Variants in GRHL3 observed in about 807,000 individuals in gnomAD.
GRHL3 encodes grainyhead-like protein 3 homolog.
GRHL3 carries 20 observed loss-of-function variants against 70.3 expected under a neutral mutation model. The ratio of observed to expected loss-of-function variants is 0.28; its 90% CI spans 0.20 to 0.41. The LOEUF is 0.41. Among genes scored for constraint, GRHL3 ranks in the 10% least tolerant of loss-of-function variants. GRHL3 has a pLI of 1.00. For synonymous variants in GRHL3, 299 were observed against 299.9 expected (o/e 1.00, Z 0.03); for missense variants, 637 against 762.3 (o/e 0.84, Z 1.94).
chr1:24,320,054 A>T (rs1639121578), intron 1 of GRHL3: 1 of 173,700 alleles, frequency 5.8e-6, no homozygotes, highest in Non-Finnish European at 1.3e-5. Flanking sequence ...AAGCATGTGT[A>T]CTCTTTGTAG....
rs1640441257 is a variant in GRHL3 at position 24,350,011 on chromosome 1, A to C, written c.1630-47A>C. 3 of 1,454,544 alleles carry C rather than the reference A, an allele frequency of 2.1e-6. No individual in the cohort carries two copies. The East Asian group carries it at 6.8e-5, about 33-fold the overall frequency. 90.1% of individuals were successfully genotyped at this position (1,454,544 alleles called of 1,614,324 possible). On this transcript the variant is annotated intron_variant, in intron 14 of 15. Transcript: ENST00000361548. ...GTGATGGCATAAAAGACTTGTATAA[A>C]TCTAGCGTGGGCAGCAGGCAATGAA...
chr1:24,347,142 A>T (rs540281521), intron 13 of GRHL3, among the ~76,000 whole-genome samples: 1 of 152,296 alleles, frequency 6.6e-6, no homozygotes, highest in Admixed American at 6.5e-5. Context: ...GTTTCCAGAC[A>T]CTGCCATCAA....
chr1:24,344,579 C>A (rs1640173149), intron 11 of GRHL3, among the ~76,000 whole-genome samples: 1 of 150,116 alleles, frequency 6.7e-6, no homozygotes, highest in Non-Finnish European at 1.5e-5. Flanking sequence ...GCAGGACCAT[C>A]TGCAATTCCC....
downstream of GRHL3, among the ~76,000 whole-genome samples, chr1:24,356,822 C>T (rs56974357): frequency 0.054 from 8,261 of 152,226 alleles, 623 homozygotes; most frequent in African/African-American, 0.17. Flanking sequence ...TTGGGTTTCT[C>T]GTAAACATCT....
intron 15 of GRHL3, among the ~76,000 whole-genome samples, chr1:24,350,611 T>C (rs1047980094): frequency 6.6e-6 from 1 of 152,032 alleles, no homozygotes; most frequent in African/African-American, 2.4e-5. Context: ...GCAGGAGAAG[T>C]GGATCAAAGG....
At position 24,322,548 on chromosome 1, in the gene GRHL3, G is replaced by A. The variant is rs1639237189; in HGVS notation, c.17+2980G>A. On this transcript the variant is annotated intron_variant, in intron 1 of 15. Transcript: ENST00000361548. The surrounding 1 kb of genome is among the most constrained non-coding windows in gnomAD (Gnocchi z 4.4). ...CTCTTTGAGTTCGGGCTGTAAAACT[G>A]GCGGACTGGGCCGAGAGGCTTGAGC... is the stretch of plus-strand genomic sequence containing the variant. Among the ~76,000 whole-genome samples the A allele has an allele frequency of 1.3e-5, 2 of 152,256 alleles. No individual in the cohort carries two copies. The highest frequency in any genetic ancestry group is 2.9e-5 in the Non-Finnish European group (2 of 68,044).
intron 15 of GRHL3, among the ~76,000 whole-genome samples, chr1:24,362,249 A>G (rs1458023944): frequency 6.6e-6 from 1 of 152,194 alleles, no homozygotes; most frequent in Non-Finnish European, 1.5e-5. Flanking sequence ...GTCTTCTTCA[A>G]CCTCCTTAGT....
rs764996839 is a variant in GRHL3 at position 24,342,939 on chromosome 1, T to C, written c.1333T>C (p.Tyr445His). 8 of 1,614,140 alleles carry C rather than the reference T, an allele frequency of 5.0e-6. No homozygotes were observed. The highest frequency in any genetic ancestry group is 6.8e-6 in the Non-Finnish European group (8 of 1,180,008). ...LSGFRGNETT[Y>H]LRPETDLETP... ...GGGCTTCAGGGGCAATGAGACGACC[T>C]ACCTTCGGCCAGAGACTGACCTGGA... Residue 445 changes from tyrosine to histidine, a missense_variant, in exon 11 of 16, where the codon TAC (tyrosine) becomes CAC (histidine). Physicochemically the swap from Tyr to His is moderately conservative, Grantham distance 83. Coordinates refer to ENST00000361548, the MANE Select transcript of GRHL3 (RefSeq NM_198173.3). The surrounding 1 kb of genome is among the most constrained non-coding windows in gnomAD (Gnocchi z 4.8).
chr1:24,324,378 A>C (rs1283755334), intron 1 of GRHL3, among the ~76,000 whole-genome samples: 1 of 151,358 alleles, frequency 6.6e-6, no homozygotes, highest in African/African-American at 2.4e-5. Flanking sequence ...ATCTCCAAGC[A>C]TCAGGATGAT....
chr1:24,364,130 A>T, intron 15 of GRHL3: 1 of 1,469,034 alleles, frequency 6.8e-7, no homozygotes, highest in Non-Finnish European at 9.0e-7. Context: ...TGTGAGAAAC[A>T]CCAACTTTCC....
intron 11 of GRHL3, chr1:24,343,353 T>G: frequency 3.3e-6 from 1 of 303,442 alleles, no homozygotes. Flanking sequence ...TGGTGCTCAC[T>G]GTGTGCCAGG....
intron 15 of GRHL3, among the ~76,000 whole-genome samples, chr1:24,351,406 G>C (rs1640500376): frequency 7.3e-6 from 1 of 136,874 alleles, no homozygotes; most frequent in Non-Finnish European, 1.5e-5. Flanking sequence ...CCTGGGAAGG[G>C]GGTTTTTTTT....
intron 7 of GRHL3, 33 bp from the exon 8 acceptor site, chr1:24,339,635 C>T (rs369672557): frequency 1.1e-5 from 17 of 1,520,148 alleles, no homozygotes; most frequent in African/African-American, 1.4e-5. Flanking sequence ...TCCCTTCCTT[C>T]CTGATTCTCC....
chr1:24,347,340 G>T, intron 13 of GRHL3, 128 bp from the exon 14 acceptor site: 1 of 789,146 alleles, frequency 1.3e-6, no homozygotes, highest in South Asian at 1.6e-5. Context: ...CCGGCCAAAG[G>T]GCCTCCCAGC....
At chr1:24,357,611 C>T (rs56095151), downstream of GRHL3, 727 of 161,188 alleles carry the variant, frequency 4.5e-3, 5 homozygotes, top group South Asian at 0.014. Flanking sequence ...GCTTTGTAAC[C>T]TCTCGGTATC....
chr1:24,342,959 C>T lies in GRHL3; in HGVS notation c.1353C>T (p.Asp451=), dbSNP rs1177886714. Residue 451 remains aspartate (D), a synonymous_variant, in exon 11 of 16, where the codon GAC becomes GAT. Coordinates refer to ENST00000361548, the MANE Select transcript of GRHL3 (RefSeq NM_198173.3). This position sits in a 1 kb window ranked among gnomAD's most constrained non-coding sequence, Gnocchi z 4.8. ...CGACCTACCTTCGGCCAGAGACTGA[C>T]CTGGAGACGCCACCCGTGCTGTTCA... ...NETTYLRPET[D]LETPPVLFIP... The T allele has an allele frequency of 1.2e-6, 2 of 1,613,974 alleles. No homozygotes were observed. The highest frequency in any genetic ancestry group is 4.5e-5 in the East Asian group (2 of 44,876).
chr1:24,337,958 G>A (rs752587754), intron 6 of GRHL3, 34 bp from the exon 7 acceptor site: 2 of 1,561,000 alleles, frequency 1.3e-6, no homozygotes, highest in East Asian at 4.5e-5. Flanking sequence ...TCTAGGAAGA[G>A]GCCGGGAGTG....
rs1431168637 is a variant in GRHL3 at position 24,334,475 on chromosome 1, A to C, written c.205-170A>C. Among the ~76,000 whole-genome samples the C allele has an allele frequency of 6.6e-6, 1 of 151,770 alleles. No individual in the cohort carries two copies. Among genetic ancestry groups the C allele is most frequent in the East Asian group, 1.9e-4 (1 of 5,194 alleles). On this transcript the variant is annotated intron_variant, in intron 2 of 15. Coordinates refer to ENST00000361548, the MANE Select transcript of GRHL3 (RefSeq NM_198173.3). This position sits in a 1 kb window ranked among gnomAD's most constrained non-coding sequence, Gnocchi z 4.3. ...CACCCCCATCATGCAATTACCTCCC[A>C]CTCCCATGTGATTATGGGAACTACG...
At chr1:24,358,529 C>A, downstream of GRHL3, 1 of 1,609,314 alleles carries the variant, frequency 6.2e-7, no homozygotes. Flanking sequence ...TCTCCTTGAC[C>A]TTGTGTGACA....
Sources: gnomAD v4.1 joint callset for allele counts (sites outside exome capture counted in the v4.1 genomes callset) on GRCh38, gnomAD v4.1.1 for gene constraint, Gnocchi (gnomAD v3.1) non-coding constraint, MANE v1.5 for transcripts, NCBI Gene and HGNC (gene_info 2026-07-23, HGNC 2026-07-21) for gene names.